Variants in SLC25A42 observed in about 807,000 individuals in gnomAD.
SLC25A42 encodes mitochondrial coenzyme A transporter SLC25A42.
A neutral mutation model predicts 34.7 loss-of-function variants in SLC25A42; 19 were observed. The ratio of observed to expected loss-of-function variants is 0.55; its 90% CI spans 0.38 to 0.80. SLC25A42 has a LOEUF of 0.80. SLC25A42 is among the 30% of genes least tolerant of loss of function. The pLI is 0.00. For synonymous variants in SLC25A42, 205 were observed against 191.2 expected (o/e 1.07, Z -0.59); for missense variants, 364 against 441.3 (o/e 0.82, Z 1.57).
intron 1 of SLC25A42, among the ~76,000 whole-genome samples, chr19:19,070,545 T>C (rs2059624785): frequency 6.6e-6 from 1 of 152,054 alleles, no homozygotes; most frequent in African/African-American, 2.4e-5. Flanking sequence ...TCTGCCCAAC[T>C]CGGCCTCCCA....
rs116661665 is a variant in SLC25A42, at chr19:19,106,598, A to C, written c.497+213A>C. The C allele has an allele frequency of 2.7e-3, 1,139 of 418,756 alleles. 15 individuals are homozygous for C. Among genetic ancestry groups the C allele is most frequent in the African/African-American group, 0.022 (1,082 of 48,622 alleles). The allele number at this position is 418,756 out of a possible 1,614,324, so 25.9% of individuals were successfully genotyped here. A position where few individuals can be genotyped will look rare whatever the true frequency, so the allele number is the denominator to read the frequency against. ...GGTCACTTTCTGCTTAGATCAAACC[A>C]AGGGTCTTCATTTTGAACTGGGCAC... On this transcript the variant is annotated intron_variant, in intron 6 of 7. Transcript: ENST00000318596.
chr19:19,081,435 TCC>T lies in SLC25A42; in HGVS notation c.-34-14655_-34-14654del, dbSNP rs2057665415. 6.6e-6 allele frequency among the ~76,000 whole-genome samples: 1 copy of T among 152,198 alleles called. No individual in the cohort carries two copies. Among genetic ancestry groups the T allele is most frequent in the African/African-American group, 2.4e-5 (1 of 41,444 alleles). ...AAACAGAAGCATGTTTCATGTTTTGTCCTCATAGCGTCCCTGGCAGTGTCATG... is the reference window on the plus strand; with the variant it reads ...AAACAGAAGCATGTTTCATGTTTTGTTCATAGCGTCCCTGGCAGTGTCATG... On this transcript the variant is annotated intron_variant, in intron 1 of 7. Transcript: ENST00000318596. The surrounding 1 kb of genome is among the most constrained non-coding windows in gnomAD (Gnocchi z 4.5).
intron 1 of SLC25A42, among the ~76,000 whole-genome samples, chr19:19,092,772 C>T (rs909279780): frequency 1.3e-5 from 2 of 152,206 alleles, no homozygotes; most frequent in Non-Finnish European, 2.9e-5. Flanking sequence ...CCCAGCACCT[C>T]GATTCTAGGA....
chr19:19,094,092 G>C (rs941118107), intron 1 of SLC25A42, among the ~76,000 whole-genome samples: 3 of 152,180 alleles, frequency 2.0e-5, no homozygotes, highest in African/African-American at 7.2e-5. Flanking sequence ...CGTTGTCCTG[G>C]ATCACCTAGC....
chr19:19,077,724 C>T (rs2059661843), intron 1 of SLC25A42, among the ~76,000 whole-genome samples: 1 of 152,028 alleles, frequency 6.6e-6, no homozygotes, highest in Admixed American at 6.6e-5. Flanking sequence ...CCCATCTTTC[C>T]TAAATACAAA....
At chr19:19,075,964 G>A (rs1294183492) in intron 1 of SLC25A42, among the ~76,000 whole-genome samples, 1 of 152,168 alleles carries the variant, frequency 6.6e-6, no homozygotes, top group African/African-American at 2.4e-5. Flanking sequence ...CTAGGGGAGT[G>A]TGAAGTCTCA....
intron 3 of SLC25A42, among the ~76,000 whole-genome samples, chr19:19,103,341 C>G (rs553474667): frequency 6.6e-6 from 1 of 152,136 alleles, no homozygotes; most frequent in African/African-American, 2.4e-5. Flanking sequence ...GTGATCCACC[C>G]GCCTTGGCCT....
At chr19:19,091,199 G>A (rs1363583994) in intron 1 of SLC25A42, among the ~76,000 whole-genome samples, 1 of 152,220 alleles carries the variant, frequency 6.6e-6, no homozygotes, top group Admixed American at 6.5e-5. Context: ...GCTCACGCCT[G>A]TAATCCCAGC....
chr19:19,078,352 T>C (rs530210396), intron 1 of SLC25A42, among the ~76,000 whole-genome samples: 1 of 152,272 alleles, frequency 6.6e-6, no homozygotes, highest in South Asian at 2.1e-4. Context: ...GCCTGTTTGT[T>C]TCCCTGGTCA....
intron 1 of SLC25A42, among the ~76,000 whole-genome samples, chr19:19,076,315 C>A (rs1458788483): frequency 6.6e-6 from 1 of 151,182 alleles, no homozygotes; most frequent in Admixed American, 6.6e-5. Flanking sequence ...AAAAAAAATA[C>A]AAAAATTGGC....
At chr19:19,104,748 C>A (rs2059817006) in intron 3 of SLC25A42, among the ~76,000 whole-genome samples, 165 bp from the exon 4 acceptor site, 1 of 152,150 alleles carries the variant, frequency 6.6e-6, no homozygotes, top group African/African-American at 2.4e-5. Flanking sequence ...TCAATGGAGA[C>A]CCTCACTATT....
intron 4 of SLC25A42, chr19:19,105,332 G>C: frequency 1.7e-6 from 1 of 597,822 alleles, no homozygotes; most frequent in Non-Finnish European, 2.9e-6. Context: ...AGAACTTGGT[G>C]GGGTGGGAGG....
At chr19:19,075,538 G>A (rs886206851) in intron 1 of SLC25A42, among the ~76,000 whole-genome samples, 5 of 152,244 alleles carry the variant, frequency 3.3e-5, no homozygotes, top group African/African-American at 1.2e-4. Flanking sequence ...GGTACCTAGA[G>A]TGAACGTGGC....
At chr19:19,094,443 C>T (rs1317064037) in intron 1 of SLC25A42, among the ~76,000 whole-genome samples, 2 of 151,886 alleles carry the variant, frequency 1.3e-5, no homozygotes, top group African/African-American at 4.8e-5. Context: ...GTGCCCATGA[C>T]CCCCTCGCCA....
At chr19:19,077,772 A>T (rs1216005783) in intron 1 of SLC25A42, among the ~76,000 whole-genome samples, 1 of 152,180 alleles carries the variant, frequency 6.6e-6, no homozygotes, top group Admixed American at 6.5e-5. Context: ...CTGTAATCCC[A>T]GCTACTCGGG....
chr19:19,083,893 A>G (rs1271684200), intron 1 of SLC25A42, among the ~76,000 whole-genome samples: 3 of 146,232 alleles, frequency 2.1e-5, no homozygotes, highest in Admixed American at 6.8e-5. Flanking sequence ...CCACCACCCC[A>G]GCATGCCCCT....
chr19:19,092,835 A>T (rs1275585605), intron 1 of SLC25A42, among the ~76,000 whole-genome samples: 1 of 152,152 alleles, frequency 6.6e-6, no homozygotes, highest in Non-Finnish European at 1.5e-5. Context: ...AAGTGCAAGG[A>T]CAGCCCCCAG....
chr19:19,072,579 C>T (rs982024183), intron 1 of SLC25A42, among the ~76,000 whole-genome samples: 1 of 152,088 alleles, frequency 6.6e-6, no homozygotes, highest in Non-Finnish European at 1.5e-5. Context: ...GACAGGGTTT[C>T]GCCATGTTGG....
intron 1 of SLC25A42, among the ~76,000 whole-genome samples, chr19:19,073,578 CTT>C (rs869183295): frequency 1.6e-4 from 22 of 138,632 alleles, no homozygotes; most frequent in Admixed American, 2.9e-4. Context: ...GAACATGGGG[CTT>C]TTTTTTTTTT....
Sources: gnomAD v4.1 joint callset for allele counts (sites outside exome capture counted in the v4.1 genomes callset) on GRCh38, gnomAD v4.1.1 for gene constraint, Gnocchi (gnomAD v3.1) non-coding constraint, MANE v1.5 for transcripts, NCBI Gene and HGNC (gene_info 2026-07-23, HGNC 2026-07-21) for gene names.